The following KDM4C variants were observed in gnomAD, a reference collection of about 807,000 sequenced individuals.
KDM4C encodes the protein lysine-specific demethylase 4C.
KDM4C carries 81 observed loss-of-function variants against 129.3 expected under a neutral mutation model. The observed-to-expected ratio is 0.63, with a 90% CI of 0.52 to 0.75. The LOEUF is 0.75. Ranked by LOEUF, KDM4C falls within the 30% of genes least tolerant of loss-of-function variation. The probability of loss-of-function intolerance (pLI) is 0.00; values close to 1 mark genes in which losing one functional copy is unlikely to be tolerated. For missense variants in KDM4C, 1,457 were observed against 1,304.0 expected, an observed-to-expected ratio of 1.12 and a Z score of -1.81; for synonymous variants, 573 against 456.1, an observed-to-expected ratio of 1.26 and a Z score of -3.26.
At chr9:6,835,154 C>A (rs2131355801) in intron 4 of KDM4C, 2 of 969,334 alleles carry the variant, frequency 2.1e-6, no homozygotes, top group South Asian at 2.6e-5. Context: ...TCCAGCTCCT[C>A]CCTGGAGAAG....
At chr9:7,078,155 C>G (rs1834132285) in intron 17 of KDM4C, among the ~76,000 whole-genome samples, 1 of 152,068 alleles carries the variant, frequency 6.6e-6, no homozygotes, top group African/African-American at 2.4e-5. Context: ...GTCGTTGTCT[C>G]TGGATGACAG....
intron 18 of KDM4C, among the ~76,000 whole-genome samples, chr9:7,121,591 T>C (rs2133295580): frequency 6.6e-6 from 1 of 152,252 alleles, no homozygotes; most frequent in South Asian, 2.1e-4. Flanking sequence ...TTTTGGGCAG[T>C]TTGGAAATTT....
intron 15 of KDM4C, among the ~76,000 whole-genome samples, chr9:7,033,025 T>A (rs1827041519): frequency 6.6e-6 from 1 of 152,190 alleles, no homozygotes; most frequent in Non-Finnish European, 1.5e-5. Context: ...ATTTTTCTTT[T>A]TCGAAGAGCT....
At chr9:6,865,242 T>A (rs1281941834) in intron 5 of KDM4C, among the ~76,000 whole-genome samples, 3 of 152,140 alleles carry the variant, frequency 2.0e-5, no homozygotes, top group African/African-American at 7.2e-5. Flanking sequence ...TCTCCTGACC[T>A]CGTGATCCGA....
intron 1 of KDM4C, chr9:6,721,004 G>T: frequency 6.4e-7 from 1 of 1,551,056 alleles, no homozygotes; most frequent in South Asian, 1.2e-5. Context: ...GCAGGTGAGT[G>T]CTGCTCTGAA....
chr9:6,974,921 C>G (rs751811761), intron 8 of KDM4C: 2 of 152,192 alleles, frequency 1.3e-5, no homozygotes, highest in Non-Finnish European at 2.9e-5. Flanking sequence ...CTTCCACAAC[C>G]TTTCTATCAG....
At chr9:6,911,563 C>T (rs967846323) in intron 8 of KDM4C, among the ~76,000 whole-genome samples, 2 of 152,198 alleles carry the variant, frequency 1.3e-5, no homozygotes, top group African/African-American at 4.8e-5. Flanking sequence ...CTTCATGATA[C>T]ATTTCACTTC....
intron 7 of KDM4C, among the ~76,000 whole-genome samples, chr9:6,890,252 G>C (rs565304956): frequency 1.3e-5 from 2 of 152,150 alleles, no homozygotes; most frequent in Non-Finnish European, 2.9e-5. Context: ...TAATCTTTCC[G>C]AGCTTTAGTT....
At chr9:7,100,000 A>G (rs1364808242) in intron 17 of KDM4C, among the ~76,000 whole-genome samples, 2 of 151,944 alleles carry the variant, frequency 1.3e-5, no homozygotes, top group South Asian at 2.1e-4. Flanking sequence ...GGTTTTTTCT[A>G]CTTCCCTCTC....
chr9:7,067,792 A>G (rs2132764869), intron 17 of KDM4C, among the ~76,000 whole-genome samples: 1 of 152,114 alleles, frequency 6.6e-6, no homozygotes, highest in African/African-American at 2.4e-5. Flanking sequence ...TATTGGAGTA[A>G]TGATTTTTGA....
intron 18 of KDM4C, among the ~76,000 whole-genome samples, chr9:7,126,910 G>T (rs1377906489): frequency 6.6e-6 from 1 of 152,114 alleles, no homozygotes; most frequent in South Asian, 2.1e-4. Context: ...GTACGAAGGG[G>T]CTCTTATTGG....
chr9:6,760,657 G>T (rs1034986785), intron 1 of KDM4C, among the ~76,000 whole-genome samples: 1 of 151,608 alleles, frequency 6.6e-6, no homozygotes, highest in Non-Finnish European at 1.5e-5. Flanking sequence ...TGCAAGCTCC[G>T]CCTCCTGGGT....
intron 12 of KDM4C, among the ~76,000 whole-genome samples, chr9:6,991,079 C>T (rs1229574199): frequency 2.0e-5 from 3 of 151,926 alleles, no homozygotes; most frequent in South Asian, 2.1e-4. Context: ...CTTTTTCCCC[C>T]TTTTGTTCTT....
chr9:6,959,507 A>G (rs1829670022), intron 8 of KDM4C, among the ~76,000 whole-genome samples: 1 of 152,232 alleles, frequency 6.6e-6, no homozygotes, highest in South Asian at 2.1e-4. Flanking sequence ...GCCACCTGAT[A>G]CACAGAAGCT....
At chr9:6,889,929 A>T (rs1247641711) in intron 7 of KDM4C, among the ~76,000 whole-genome samples, 1 of 152,170 alleles carries the variant, frequency 6.6e-6, no homozygotes, top group East Asian at 1.9e-4. Flanking sequence ...TACCAGTACT[A>T]CATGGTAGAT....
chr9:6,987,994 CAAAAAAAAAA>C (rs1818024203), intron 11 of KDM4C, among the ~76,000 whole-genome samples: 1 of 143,196 alleles, frequency 7.0e-6, no homozygotes, highest in East Asian at 2.0e-4. Context: ...CCTGTGTCTA[CAAAAAAAAAA>C]TAAAAAAAAA....
intron 2 of KDM4C, among the ~76,000 whole-genome samples, chr9:6,802,576 A>G (rs1829209064): frequency 6.6e-6 from 1 of 152,254 alleles, no homozygotes; most frequent in Non-Finnish European, 1.5e-5. Flanking sequence ...AATACTGAGT[A>G]GGAATGAAAA....
chr9:6,835,011 C>G (rs1157846220), intron 4 of KDM4C: 14 of 951,340 alleles, frequency 1.5e-5, no homozygotes, highest in Admixed American at 1.0e-4. Flanking sequence ...CGGGACCTGA[C>G]TACCTCATGA....
chr9:6,728,947 T>C (rs1258373140), intron 1 of KDM4C, among the ~76,000 whole-genome samples: 1 of 151,950 alleles, frequency 6.6e-6, no homozygotes, highest in Admixed American at 6.6e-5. Context: ...GGTTCACGCC[T>C]GTAATCCCAG....
Sources: allele counts gnomAD v4.1 joint callset (sites outside exome capture counted in the v4.1 genomes callset), GRCh38; gene constraint gnomAD v4.1.1; transcripts MANE v1.5; gene names NCBI Gene and HGNC (gene_info 2026-07-23, HGNC 2026-07-21).